Variants in COL27A1 observed in about 807,000 individuals in gnomAD.
COL27A1 encodes collagen type XXVII alpha 1 chain, also known as collagen alpha-1(XXVII) chain.
Under a neutral mutation model 251.3 loss-of-function variants are expected in COL27A1, and 106 were observed. The ratio of observed to expected loss-of-function variants is 0.42; its 90% CI spans 0.36 to 0.50. The LOEUF (loss-of-function observed/expected upper bound fraction) is 0.50, where lower values mean the gene tolerates loss of function less well. Ranked by LOEUF, COL27A1 falls within the 20% of genes least tolerant of loss-of-function variation. The pLI, the probability that COL27A1 is intolerant of heterozygous loss-of-function variation, is 0.00. For synonymous variants in COL27A1, 1,000 were observed against 986.3 expected, an observed-to-expected ratio of 1.01 and a Z score of -0.26; for missense variants, 2,325 against 2,522.8, an observed-to-expected ratio of 0.92 and a Z score of 1.68.
At chr9:114,307,573 C>A in intron 58 of COL27A1, 96 bp from the exon 59 acceptor site, 2 of 841,106 alleles carry the variant, frequency 2.4e-6, no homozygotes, top group South Asian at 1.4e-5. Flanking sequence ...TCACCTGGGG[C>A]TCGGCAGGTC....
At chr9:114,258,223 G>A (rs747035459) in intron 27 of COL27A1, among the ~76,000 whole-genome samples, 9 of 152,158 alleles carry the variant, frequency 5.9e-5, no homozygotes, top group Non-Finnish European at 8.8e-5. Flanking sequence ...TCTTCTCATT[G>A]TTGATTTTGA....
chr9:114,239,748 G>A (rs985125393), intron 19 of COL27A1, among the ~76,000 whole-genome samples: 10 of 152,204 alleles, frequency 6.6e-5, no homozygotes, highest in Admixed American at 4.6e-4. Context: ...TTAAGCTTAC[G>A]ATGACTGGAG....
intron 56 of COL27A1, 93 bp from the exon 57 acceptor site, chr9:114,304,515 T>A (rs1334574526): frequency 1.7e-6 from 2 of 1,188,592 alleles, no homozygotes; most frequent in East Asian, 4.7e-5. Context: ...TTGGCCAAGA[T>A]CCTGCCAGGG....
chr9:114,259,030 G>A (rs1307166511), intron 28 of COL27A1, among the ~76,000 whole-genome samples: 1 of 152,232 alleles, frequency 6.6e-6, no homozygotes, highest in Non-Finnish European at 1.5e-5. Flanking sequence ...ATCAGCACAT[G>A]GACTGAGGAA....
At chr9:114,248,275 C>A (rs1396536287) in intron 24 of COL27A1, among the ~76,000 whole-genome samples, 1 of 152,202 alleles carries the variant, frequency 6.6e-6, no homozygotes, top group African/African-American at 2.4e-5. Flanking sequence ...CTTCAAGACA[C>A]CCCGTCCAGG....
intron 17 of COL27A1, 24 bp downstream of exon 17, chr9:114,235,676 C>CCCCCTGCCCCTG: frequency 1.3e-6 from 2 of 1,585,164 alleles, no homozygotes; most frequent in South Asian, 1.1e-5. Flanking sequence ...ATTTTCCCCT[C>CCCCCTGCCCCTG]CCCCTGCCCC....
At chr9:114,297,281 A>T (rs1386461200) in intron 49 of COL27A1, among the ~76,000 whole-genome samples, 1 of 152,200 alleles carries the variant, frequency 6.6e-6, no homozygotes, top group Non-Finnish European at 1.5e-5. Flanking sequence ...GGAGACAGCC[A>T]TCAGAGTGCA....
intron 28 of COL27A1, among the ~76,000 whole-genome samples, chr9:114,262,082 C>T (rs931303850): frequency 6.6e-6 from 1 of 152,168 alleles, no homozygotes; most frequent in Non-Finnish European, 1.5e-5. Context: ...AGAGACAGAG[C>T]CCAGAGCCAG....
At chr9:114,306,812 T>A in intron 58 of COL27A1, 124 bp downstream of exon 58, 1 of 1,016,980 alleles carries the variant, frequency 9.8e-7, no homozygotes, top group Non-Finnish European at 1.4e-6. Flanking sequence ...ACACTGGCAG[T>A]CATTTATTCA....
At chr9:114,305,710 C>G (rs1021396908) in intron 57 of COL27A1, among the ~76,000 whole-genome samples, 8 of 152,142 alleles carry the variant, frequency 5.3e-5, no homozygotes, top group African/African-American at 1.4e-4. Flanking sequence ...GCAGGAGGGT[C>G]TCTGGGCCAG....
At chr9:114,283,686 A>T (rs1836071526) in intron 39 of COL27A1, 23 bp from the exon 40 acceptor site, 12 of 1,613,040 alleles carry the variant, frequency 7.4e-6, no homozygotes, top group Non-Finnish European at 1.0e-5. Context: ...CTCCATACCA[A>T]CGAGGGTCTC....
chr9:114,241,410 G>C (rs1832746509), intron 21 of COL27A1, among the ~76,000 whole-genome samples: 1 of 152,240 alleles, frequency 6.6e-6, no homozygotes, highest in Non-Finnish European at 1.5e-5. Flanking sequence ...CTGCTTTCCT[G>C]GAAGCTGGGG....
chr9:114,275,653 C>A lies in COL27A1; in HGVS notation c.3610-8C>A, dbSNP rs1346957370. 2.0e-6 allele frequency: 3 copies of A among 1,528,924 alleles called. No individual in the cohort carries two copies. The Admixed American group carries it at 6.0e-5, about 31-fold the overall frequency. 94.7% of individuals were successfully genotyped at this position (1,528,924 alleles called of 1,614,324 possible). ...CTCTCTCTCCCCTCTTCATGCCCTG[C>A]CACCCAGGGGGACAGGGGAGACCCA... On this transcript the variant is annotated splice_region_variant and splice_polypyrimidine_tract_variant and intron_variant, in intron 36 of 60. Coordinates refer to ENST00000356083, the MANE Select transcript of COL27A1 (RefSeq NM_032888.4).
intron 2 of COL27A1, among the ~76,000 whole-genome samples, chr9:114,165,226 A>T (rs968466879): frequency 3.3e-5 from 5 of 152,124 alleles, no homozygotes; most frequent in African/African-American, 1.2e-4. Context: ...CTGCTATAGA[A>T]CCATTATAAC....
At chr9:114,275,196 C>G (rs900809769) in intron 36 of COL27A1, among the ~76,000 whole-genome samples, 1 of 151,658 alleles carries the variant, frequency 6.6e-6, no homozygotes, top group African/African-American at 2.4e-5. Context: ...CCCAGGAGGT[C>G]GAGGCTGCGG....
At chr9:114,161,069 C>T (rs905252134) in intron 1 of COL27A1, among the ~76,000 whole-genome samples, 6 of 152,194 alleles carry the variant, frequency 3.9e-5, no homozygotes, top group African/African-American at 1.4e-4. Context: ...AAGAGCAGTA[C>T]TAGGGTTGGT....
chr9:114,280,647 G>A (rs546073091), intron 37 of COL27A1, among the ~76,000 whole-genome samples: 4 of 152,356 alleles, frequency 2.6e-5, no homozygotes, highest in Non-Finnish European at 5.9e-5. Flanking sequence ...GGAAACTAAG[G>A]TTCAGAGAAA....
chr9:114,156,349 G>A (rs1848122940), intron 1 of COL27A1, among the ~76,000 whole-genome samples: 1 of 151,614 alleles, frequency 6.6e-6, no homozygotes, highest in Non-Finnish European at 1.5e-5. Context: ...CTTGGGGGAG[G>A]AGGGGGGTCT....
Position 114,168,510 on chromosome 9 carries a change from C to G in COL27A1, c.955C>G (p.Gln319Glu). The change falls in exon 3 of 61, where the codon CAA becomes GAA. Residue 319 changes from glutamine (Q) to glutamate (E), a missense_variant. Physicochemically the swap from Gln to Glu is conservative, Grantham distance 29. This residue lies in a region of COL27A1 where 1,183 missense variants were observed against 1,144.1 expected (regional missense o/e 1.03). Transcript: ENST00000356083. ...GCATATGGCGGTGGGAGGCCCAGCC[C>G]AAACCCCGCTGCTACCTGCCAAGCT... is the stretch of plus-strand genomic sequence containing the variant. ...HQHMAVGGPA[Q>E]TPLLPAKLSA... is the part of the protein sequence containing the mutation. 1 of 1,613,912 alleles carries G rather than the reference C, an allele frequency of 6.2e-7. No homozygotes were observed. The highest frequency in any genetic ancestry group is 8.5e-7 in the Non-Finnish European group (1 of 1,179,890).
Sources: allele counts gnomAD v4.1 joint callset (sites outside exome capture counted in the v4.1 genomes callset), GRCh38; gene constraint gnomAD v4.1.1; regional missense constraint gnomAD v4.1.1; transcripts MANE v1.5; gene names NCBI Gene and HGNC (gene_info 2026-07-23, HGNC 2026-07-21).